TBC1D22A: variants seen among roughly 807,000 people sequenced by gnomAD.
TBC1D22A encodes the protein TBC1 domain family member 22A.
In TBC1D22A, 38 loss-of-function variants were observed where a neutral mutation model predicts 60.2. The ratio of observed to expected loss-of-function variants is 0.63; its 90% CI spans 0.49 to 0.83. The LOEUF is 0.83. Ranked by LOEUF, TBC1D22A falls within the 40% of genes least tolerant of loss-of-function variation. TBC1D22A has a pLI of 0.00. For synonymous variants in TBC1D22A, 302 were observed against 281.7 expected (o/e 1.07, Z -0.72); for missense variants, 628 against 701.0 (o/e 0.90, Z 1.18).
intron 12 of TBC1D22A, among the ~76,000 whole-genome samples, chr22:47,155,073 G>A (rs1444217143): frequency 6.6e-6 from 1 of 152,208 alleles, no homozygotes; most frequent in Non-Finnish European, 1.5e-5. Flanking sequence ...GCCAGGATTT[G>A]CAGTGTCCTC....
chr22:47,092,124 C>T (rs1206172378), intron 11 of TBC1D22A, among the ~76,000 whole-genome samples: 1 of 152,150 alleles, frequency 6.6e-6, no homozygotes, highest in Non-Finnish European at 1.5e-5. Context: ...GCTCTTTCCA[C>T]AAGAACAGAA....
At chr22:47,020,406 C>A (rs1199139653) in intron 10 of TBC1D22A, among the ~76,000 whole-genome samples, 1 of 152,162 alleles carries the variant, frequency 6.6e-6, no homozygotes, top group Non-Finnish European at 1.5e-5. Context: ...ACTTGGGTTG[C>A]ATCAGCAATT....
intron 11 of TBC1D22A, among the ~76,000 whole-genome samples, chr22:47,102,057 G>A (rs2065438211): frequency 6.6e-6 from 1 of 152,136 alleles, no homozygotes; most frequent in African/African-American, 2.4e-5. Flanking sequence ...TTGTTTCAGG[G>A]TAGGGGGAGG....
rs770628280 is a variant in TBC1D22A at position 46,997,615 on chromosome 22, A to G, written c.1126-19A>G. On this transcript the variant is annotated intron_variant, in intron 9 of 12. Transcript: ENST00000337137. The stretch of plus-strand genomic sequence containing the variant: ...TTTATTTTATATGCATATGATTCAC[A>G]TTATTCTTTTTTCCTTAGGACAACT... 6.9e-6 allele frequency: 11 copies of G among 1,605,752 alleles called. No individual in the cohort carries two copies. The highest frequency in any genetic ancestry group is 5.3e-5 in the African/African-American group (4 of 74,918).
At chr22:46,976,624 A>T (rs147296147) in intron 9 of TBC1D22A, among the ~76,000 whole-genome samples, 22 of 151,358 alleles carry the variant, frequency 1.5e-4, no homozygotes, top group African/African-American at 5.1e-4. Context: ...TCCTTTTCCT[A>T]CTCTTGGTCT....
intron 9 of TBC1D22A, among the ~76,000 whole-genome samples, chr22:46,994,630 T>C (rs957953781): frequency 6.6e-6 from 1 of 152,226 alleles, no homozygotes; most frequent in Non-Finnish European, 1.5e-5. Context: ...CCGGAATTTG[T>C]CGGAATAGGA....
At chr22:46,780,675 C>G (rs1281444944) in intron 1 of TBC1D22A, among the ~76,000 whole-genome samples, 1 of 152,246 alleles carries the variant, frequency 6.6e-6, no homozygotes, top group East Asian at 1.9e-4. Context: ...GCTGCCTTCA[C>G]TGAGGCGGCC....
At chr22:46,957,791 C>T (rs913775201) in intron 8 of TBC1D22A, among the ~76,000 whole-genome samples, 1 of 152,244 alleles carries the variant, frequency 6.6e-6, no homozygotes, top group African/African-American at 2.4e-5. Flanking sequence ...GGAAGCGGAT[C>T]ACACCTCTTG....
chr22:46,945,614 G>A (rs952641931), intron 8 of TBC1D22A, among the ~76,000 whole-genome samples: 2 of 152,296 alleles, frequency 1.3e-5, no homozygotes, highest in Middle Eastern at 3.4e-3. Context: ...AGCCCCAGGG[G>A]GTTAAGGCTG....
intron 8 of TBC1D22A, among the ~76,000 whole-genome samples, chr22:46,947,584 C>A (rs1000951284): frequency 2.0e-5 from 3 of 152,218 alleles, no homozygotes; most frequent in Non-Finnish European, 4.4e-5. Context: ...TCGTGGAAGC[C>A]ATGGGCTGCT....
intron 11 of TBC1D22A, among the ~76,000 whole-genome samples, chr22:47,053,203 C>T (rs1033394211): frequency 1.3e-5 from 2 of 152,230 alleles, no homozygotes; most frequent in Admixed American, 6.5e-5. Flanking sequence ...GTGTCCCCTC[C>T]GGCCTGGAGG....
At chr22:46,826,775 G>C (rs1183663940) in intron 4 of TBC1D22A, among the ~76,000 whole-genome samples, 7 of 152,044 alleles carry the variant, frequency 4.6e-5, no homozygotes, top group African/African-American at 1.5e-4. Flanking sequence ...GGGGTGACTG[G>C]ACAATCCCAT....
In TBC1D22A at chr22:47,161,338, G is replaced by T. The variant is rs577895799; in HGVS notation, c.1426-12160G>T. On this transcript the variant is annotated intron_variant, in intron 12 of 12. Transcript: ENST00000337137. ...CCACCCTGCTGCCGTGAGTCTCTTG[G>T]TATGGGGGGCACTGGGCTTCCCGCC... Among the ~76,000 whole-genome samples, 19 of 82,366 alleles carry T rather than the reference G, an allele frequency of 2.3e-4. No individual in the cohort carries two copies. The South Asian group carries it at 5.1e-3, about 22-fold the overall frequency. 54.0% of individuals were successfully genotyped at this position (82,366 alleles called of 152,430 possible).
intron 1 of TBC1D22A, among the ~76,000 whole-genome samples, chr22:46,787,959 C>T (rs1483552421): frequency 2.4e-5 from 3 of 122,682 alleles, no homozygotes; most frequent in Non-Finnish European, 4.9e-5. Flanking sequence ...TTTTTTGGGA[C>T]GGAGTCTTAC....
At chr22:46,781,921 A>AACCAGTTAGTCC (rs1176053863) in intron 1 of TBC1D22A, among the ~76,000 whole-genome samples, 2 of 152,154 alleles carry the variant, frequency 1.3e-5, no homozygotes, top group African/African-American at 2.4e-5. Context: ...GCTCACTACT[A>AACCAGTTAGTCC]ACCAGTTAGT....
At chr22:47,058,052 A>G (rs1344581982) in intron 11 of TBC1D22A, among the ~76,000 whole-genome samples, 3 of 152,176 alleles carry the variant, frequency 2.0e-5, no homozygotes, top group African/African-American at 7.2e-5. Context: ...AGGTGCAGCA[A>G]GGATTGCAGG....
intron 9 of TBC1D22A, among the ~76,000 whole-genome samples, chr22:46,986,878 G>A (rs1299105617): frequency 6.6e-6 from 1 of 152,190 alleles, no homozygotes; most frequent in African/African-American, 2.4e-5. Flanking sequence ...CGGCTGATTT[G>A]CGCACCATGA....
intron 8 of TBC1D22A, among the ~76,000 whole-genome samples, chr22:46,941,581 G>C (rs199745396): frequency 3.4e-4 from 39 of 114,674 alleles, no homozygotes; most frequent in African/African-American, 4.5e-4. Flanking sequence ...TATATATACA[G>C]GGAATATATA....
chr22:46,886,467 C>T (rs1160898804), intron 5 of TBC1D22A, among the ~76,000 whole-genome samples: 2 of 152,198 alleles, frequency 1.3e-5, no homozygotes, highest in East Asian at 1.9e-4. Context: ...GTCTGACACG[C>T]GTGTAACCAG....
Sources: gnomAD v4.1 joint callset for allele counts (sites outside exome capture counted in the v4.1 genomes callset) on GRCh38, gnomAD v4.1.1 for gene constraint, MANE v1.5 for transcripts, NCBI Gene and HGNC (gene_info 2026-07-23, HGNC 2026-07-21) for gene names.